HIGD1C: variants seen among roughly 807,000 people sequenced by gnomAD.
The protein encoded by HIGD1C is HIG1 hypoxia inducible domain family member 1C.
A neutral mutation model predicts 13.1 loss-of-function variants in HIGD1C; 11 were observed. The ratio of observed to expected loss-of-function variants is 0.84; its 90% CI spans 0.53 to 1.39. HIGD1C has a LOEUF of 1.39. HIGD1C is among the 40% of genes most tolerant of loss of function. The pLI is 0.00. For missense variants in HIGD1C, 110 were observed against 112.0 expected, an observed-to-expected ratio of 0.98 and a Z score of 0.08; for synonymous variants, 36 against 37.7, an observed-to-expected ratio of 0.95 and a Z score of 0.17.
intron 2 of HIGD1C, among the ~76,000 whole-genome samples, chr12:50,969,777 C>G (rs1939693701): frequency 6.6e-6 from 1 of 151,840 alleles, no homozygotes; most frequent in South Asian, 2.1e-4. Context: ...GAAGAGGGAT[C>G]TAATTTCAAG....
At chr12:50,951,050 C>T (rs945248299), upstream of HIGD1C, among the ~76,000 whole-genome samples, 1 of 151,938 alleles carries the variant, frequency 6.6e-6, no homozygotes, top group African/African-American at 2.4e-5. Context: ...TTAATGGATT[C>T]AAGCAAGGAT....
the HIGD1C span, among the ~76,000 whole-genome samples, chr12:50,943,545 C>G: frequency 6.6e-6 from 1 of 152,036 alleles, no homozygotes; most frequent in East Asian, 1.9e-4. Flanking sequence ...CCCATCTCTA[C>G]TAAAAATACA....
upstream of HIGD1C, among the ~76,000 whole-genome samples, chr12:50,952,122 A>G (rs1938920352): frequency 6.6e-6 from 1 of 150,618 alleles, no homozygotes; most frequent in Non-Finnish European, 1.5e-5. Context: ...AATATGAATA[A>G]AATCTTTAGA....
At chr12:50,932,165 A>G in the HIGD1C span, 2 of 152,218 alleles carry the variant, frequency 1.3e-5, no homozygotes, top group African/African-American at 4.8e-5. Context: ...GAAAAAGTCT[A>G]CTAAATTAGG....
In HIGD1C at chr12:50,960,939, C is replaced by A. The variant is rs1372867578; in HGVS notation, c.95-29C>A. On this transcript the variant is annotated intron_variant, in intron 1 of 2. Transcript: ENST00000398455. Reference sequence around the variant, plus strand: ...ACACGATGCTCCTGCCTCAGCCTTCCAAATAACCCATACTTTTAAAATTCA... The same window carrying A: ...ACACGATGCTCCTGCCTCAGCCTTCAAAATAACCCATACTTTTAAAATTCA... 11 of 1,535,524 alleles carry A rather than the reference C, an allele frequency of 7.2e-6. No homozygotes were observed. The East Asian group carries it at 2.7e-4, about 38-fold the overall frequency.
intron 2 of HIGD1C, among the ~76,000 whole-genome samples, chr12:50,961,652 T>C (rs1939334350): frequency 6.6e-6 from 1 of 152,218 alleles, no homozygotes; most frequent in Admixed American, 6.5e-5. Flanking sequence ...ATTGTCTTCA[T>C]TAATTCAGGT....
At chr12:50,960,571 T>C (rs1284725672) in intron 1 of HIGD1C, among the ~76,000 whole-genome samples, 2 of 145,458 alleles carry the variant, frequency 1.4e-5, no homozygotes, top group Non-Finnish European at 3.0e-5. Context: ...CTTTGAAAAA[T>C]GTTCTTTGCT....
chr12:50,953,987 C>G lies in HIGD1C; in HGVS notation c.-12C>G, dbSNP rs1416085480. 6.5e-7 allele frequency: 1 copy of G among 1,544,758 alleles called. No homozygotes were observed. The highest frequency in any genetic ancestry group is 1.7e-5 in the Admixed American group (1 of 59,388). On this transcript the variant is annotated 5_prime_UTR_variant, in exon 1 of 3. Coordinates refer to ENST00000398455, the Ensembl canonical transcript of HIGD1C. ...CAACCACATTTATATCCTATTGTTACTAGAGAAAAAAATGTCTTCAGATAA... is the reference window on the plus strand; with the variant it reads ...CAACCACATTTATATCCTATTGTTAGTAGAGAAAAAAATGTCTTCAGATAA...
the HIGD1C span, among the ~76,000 whole-genome samples, chr12:50,933,049 C>T: frequency 2.0e-5 from 3 of 152,220 alleles, no homozygotes. Context: ...GTCCTAGGCA[C>T]AGTCTTGTCA....
At chr12:50,955,796 C>T (rs1003347172) in intron 1 of HIGD1C, among the ~76,000 whole-genome samples, 3 of 152,106 alleles carry the variant, frequency 2.0e-5, no homozygotes, top group African/African-American at 7.2e-5. Flanking sequence ...AAACTCAATG[C>T]TACTTGAACA....
downstream of HIGD1C, among the ~76,000 whole-genome samples, chr12:50,971,631 C>G (rs1939764002): frequency 6.6e-6 from 1 of 152,214 alleles, no homozygotes; most frequent in South Asian, 2.1e-4. Context: ...AAAAAATTAA[C>G]TAGGCTTTGC....
At chr12:50,949,028 T>A (rs1354665645), upstream of HIGD1C, 6 of 148,988 alleles carry the variant, frequency 4.0e-5, no homozygotes, top group East Asian at 1.2e-3. Flanking sequence ...CTCACTCACA[T>A]CTAGGAGAGC....
chr12:50,951,131 C>T (rs190843804), upstream of HIGD1C, among the ~76,000 whole-genome samples: 420 of 151,988 alleles, frequency 2.8e-3, 3 homozygotes, highest in African/African-American at 9.6e-3. Flanking sequence ...TATTAAAGTA[C>T]CTGTTCAGAA....
chr12:50,945,211 A>G, the HIGD1C span, among the ~76,000 whole-genome samples: 1 of 152,272 alleles, frequency 6.6e-6, no homozygotes, highest in South Asian at 2.1e-4. Flanking sequence ...ACTATTCAAC[A>G]TAGTGTTGGA....
At chr12:50,954,934 T>C (rs569835407) in intron 1 of HIGD1C, among the ~76,000 whole-genome samples, 2 of 152,246 alleles carry the variant, frequency 1.3e-5, no homozygotes, top group African/African-American at 2.4e-5. Context: ...CCCTCTGTGC[T>C]GGCTTCTTGG....
chr12:50,968,922 TC>T (rs1939653414), intron 2 of HIGD1C, among the ~76,000 whole-genome samples: 1 of 150,780 alleles, frequency 6.6e-6, no homozygotes, highest in South Asian at 2.1e-4. Flanking sequence ...CAAGTGATCC[TC>T]CTCCCTTGGC....
chr12:50,961,202 T>C lies in HIGD1C; in HGVS notation c.229+100T>C, dbSNP rs948977111. Reference sequence around the variant, plus strand: ...GAAGATGAATGTTGGGTCACAATGATGTAATGAGAGAGGGGTAGGAAAGAC... The same window carrying C: ...GAAGATGAATGTTGGGTCACAATGACGTAATGAGAGAGGGGTAGGAAAGAC... On this transcript the variant is annotated intron_variant, in intron 2 of 2. Coordinates refer to ENST00000398455, the Ensembl canonical transcript of HIGD1C. The C allele has an allele frequency of 5.6e-6, 7 of 1,247,670 alleles. No individual in the cohort carries two copies. The African/African-American group carries it at 8.9e-5, about 16-fold the overall frequency. 77.3% of individuals were successfully genotyped at this position (1,247,670 alleles called of 1,614,324 possible).
the HIGD1C span, among the ~76,000 whole-genome samples, chr12:50,942,980 C>G: frequency 6.6e-6 from 1 of 151,618 alleles, no homozygotes; most frequent in Non-Finnish European, 1.5e-5. Context: ...ATTCTCCTGC[C>G]TCAGCCTCCC....
the HIGD1C span, among the ~76,000 whole-genome samples, chr12:50,935,632 G>T: frequency 1.4e-4 from 21 of 152,172 alleles, no homozygotes; most frequent in African/African-American, 4.8e-4. Flanking sequence ...GGGACCACAG[G>T]CATGCACCAG....
Sources: gnomAD v4.1 joint callset for allele counts (sites outside exome capture counted in the v4.1 genomes callset) on GRCh38, gnomAD v4.1.1 for gene constraint, MANE v1.5 for transcripts, NCBI Gene and HGNC (gene_info 2026-07-23, HGNC 2026-07-21) for gene names.